The following DPP9 variants were observed in gnomAD, a reference collection of about 807,000 sequenced individuals.
DPP9 encodes the protein dipeptidyl peptidase IV-related protein-2.
A neutral mutation model predicts 110.7 loss-of-function variants in DPP9; 50 were observed. That is an observed-to-expected ratio of 0.45 (90% CI 0.36 to 0.57). The LOEUF is 0.57. Ranked by LOEUF, DPP9 falls within the 20% of genes least tolerant of loss-of-function variation. The pLI is 0.00. For missense variants in DPP9, 1,022 were observed against 1,217.9 expected (o/e 0.84, Z 2.39); for synonymous variants, 561 against 514.4 (o/e 1.09, Z -1.23).
chr19:4,719,563 C>T, intron 3 of DPP9: 1 of 491,386 alleles, frequency 2.0e-6, no homozygotes. Flanking sequence ...CTGAGGGGAG[C>T]TCCTGGCATG....
intron 3 of DPP9, chr19:4,715,838 G>C (rs2093050644): frequency 1.3e-5 from 2 of 152,242 alleles, no homozygotes; most frequent in African/African-American, 4.8e-5. Context: ...CAGCCACCGT[G>C]AGTGGCCGCC....
At chr19:4,691,670 CTTT>C (rs1006998596) in intron 13 of DPP9, among the ~76,000 whole-genome samples, 1 of 95,090 alleles carries the variant, frequency 1.1e-5, no homozygotes, top group Non-Finnish European at 2.1e-5. Flanking sequence ...TAAAACCAGA[CTTT>C]TTTTTTTTTT....
Position 4,694,587 on chromosome 19 carries a change from C to A in DPP9, c.1516+74G>T, listed in dbSNP as rs1329466100. On this transcript the variant is annotated intron_variant, in intron 13 of 21. Transcript: ENST00000262960. This position sits in a 1 kb window ranked among gnomAD's most constrained non-coding sequence, Gnocchi z 4.0. ...GTGCTGGCTGAGTGGGGGGGCCGACCAATGAACAAACAGCATATTGAACCA... is the reference window on the plus strand; with the variant it reads ...GTGCTGGCTGAGTGGGGGGGCCGACAAATGAACAAACAGCATATTGAACCA... The A allele has an allele frequency of 2.0e-6, 3 of 1,534,092 alleles. No individual in the cohort carries two copies. The highest frequency in any genetic ancestry group is 1.9e-5 in the Admixed American group (1 of 51,328).
At chr19:4,688,938 C>G in intron 15 of DPP9, 46 bp from the exon 16 acceptor site, 1 of 1,494,398 alleles carries the variant, frequency 6.7e-7, no homozygotes, top group African/African-American at 1.5e-5. Flanking sequence ...GCCGCTGCGC[C>G]CTTTCCACTG....
chr19:4,692,898 G>A (rs1296662082), intron 13 of DPP9, among the ~76,000 whole-genome samples: 2 of 152,146 alleles, frequency 1.3e-5, no homozygotes, highest in Admixed American at 6.5e-5. Context: ...GGAGGACCCC[G>A]ATGCTGGCCT....
rs915267159 is a variant in DPP9 at position 4,693,866 on chromosome 19, C to G, written c.1516+795G>C. ...CTCCCTGTGCTCCAGCCACAGGGGC[C>G]TCCTCCCTATTCCTCCAACATGCCA... On this transcript the variant is annotated intron_variant, in intron 13 of 21. Transcript: ENST00000262960. This position sits in a 1 kb window ranked among gnomAD's most constrained non-coding sequence, Gnocchi z 5.0. Among the ~76,000 whole-genome samples the G allele has an allele frequency of 5.9e-5, 9 of 152,056 alleles. No individual in the cohort carries two copies. Among genetic ancestry groups the G allele is most frequent in the African/African-American group, 1.7e-4 (7 of 41,434 alleles).
At chr19:4,691,554 C>T (rs186389930) in intron 13 of DPP9, among the ~76,000 whole-genome samples, 2 of 151,818 alleles carry the variant, frequency 1.3e-5, no homozygotes, top group East Asian at 3.9e-4. Context: ...ATTTTAGAAC[C>T]CTCCAAAGGC....
intron 20 of DPP9, among the ~76,000 whole-genome samples, chr19:4,681,720 A>G (rs1032650188): frequency 2.7e-5 from 4 of 150,476 alleles, no homozygotes; most frequent in Non-Finnish European, 5.9e-5. Flanking sequence ...ATGCACCACC[A>G]TGCCCAGCTT....
At chr19:4,720,404 G>A (rs750380801) in intron 2 of DPP9, among the ~76,000 whole-genome samples, 2 of 152,132 alleles carry the variant, frequency 1.3e-5, no homozygotes, top group Non-Finnish European at 2.9e-5. Context: ...GACGCACCCC[G>A]TGGCCTGAAA....
intron 7 of DPP9, 95 bp from the exon 8 acceptor site, chr19:4,702,811 A>AGGGAGG (rs2092348910): frequency 7.5e-6 from 1 of 132,940 alleles, no homozygotes; most frequent in African/African-American, 8.2e-5. Context: ...AGAGAGGGAG[A>AGGGAGG]GAGAAGGAGG....
At position 4,693,277 on chromosome 19, in the gene DPP9, A is replaced by G. The variant is rs1458974454; in HGVS notation, c.1516+1384T>C. Among the ~76,000 whole-genome samples, 2 of 151,602 alleles carry G rather than the reference A, an allele frequency of 1.3e-5. No homozygotes were observed. The highest frequency in any genetic ancestry group is 4.8e-5 in the African/African-American group (2 of 41,256). On this transcript the variant is annotated intron_variant, in intron 13 of 21. Transcript: ENST00000262960. This position sits in a 1 kb window ranked among gnomAD's most constrained non-coding sequence, Gnocchi z 5.0. ...CTGGGCCGGGCTCCCGGACCACCCC[A>G]CCTCTCTATCCAGAAGTGACCCTTG... is the stretch of plus-strand genomic sequence containing the variant.
chr19:4,693,224 T>G lies in DPP9; in HGVS notation c.1516+1437A>C, dbSNP rs1157241008. 6.6e-6 allele frequency among the ~76,000 whole-genome samples: 1 copy of G among 152,134 alleles called. No homozygotes were observed. The highest frequency in any genetic ancestry group is 2.4e-5 in the African/African-American group (1 of 41,448). On this transcript the variant is annotated intron_variant, in intron 13 of 21. Coordinates refer to ENST00000262960, the MANE Select transcript of DPP9 (RefSeq NM_139159.5). The surrounding 1 kb of genome is among the most constrained non-coding windows in gnomAD (Gnocchi z 5.0). ...GAGAACCACCCGGCCCTGGCGTCCA[T>G]GGTGTCCCTGCTCTAACTTTGAAGA...
intron 1 of DPP9, chr19:4,722,773 T>C: frequency 1.8e-6 from 1 of 546,196 alleles, no homozygotes; most frequent in Non-Finnish European, 3.3e-6. Context: ...AGCAGAGGAA[T>C]GCAGGGATTG....
chr19:4,706,043 G>A, intron 4 of DPP9, 73 bp from the exon 5 acceptor site: 3 of 1,339,950 alleles, frequency 2.2e-6, no homozygotes, highest in Non-Finnish European at 2.1e-6. Context: ...GCCTGCAGCT[G>A]GGCCCAGCTG....
At chr19:4,714,371 G>A in intron 3 of DPP9, 34 bp from the exon 4 acceptor site, 1 of 1,462,098 alleles carries the variant, frequency 6.8e-7, no homozygotes, top group Non-Finnish European at 9.0e-7. Flanking sequence ...TGAGAAAGGA[G>A]AACTGTTTTA....
chr19:4,676,697 A>C lies in DPP9; in HGVS notation c.2587-41T>G, dbSNP rs1363614580. ...AGGCAGGGCTGGGGGGCGTGGCCGG[A>C]CCACCCCCGTGTCCTAGGCTCCTCC... On this transcript the variant is annotated intron_variant, in intron 21 of 21. Coordinates refer to ENST00000262960, the MANE Select transcript of DPP9 (RefSeq NM_139159.5). The surrounding 1 kb of genome is among the most constrained non-coding windows in gnomAD (Gnocchi z 4.0). 1 of 1,509,152 alleles carries C rather than the reference A, an allele frequency of 6.6e-7. No homozygotes were observed. 93.5% of individuals were successfully genotyped at this position (1,509,152 alleles called of 1,614,324 possible). A position where few individuals can be genotyped will look rare whatever the true frequency, so the allele number is the denominator to read the frequency against.
intron 1 of DPP9, 184 bp from the exon 2 acceptor site, chr19:4,722,735 C>T (rs2093375950): frequency 1.7e-6 from 1 of 582,318 alleles, no homozygotes; most frequent in East Asian, 3.0e-5. Flanking sequence ...GAGAAGCCAT[C>T]CCACGGGCCC....
At chr19:4,692,654 T>G (rs2091429665) in intron 13 of DPP9, among the ~76,000 whole-genome samples, 2 of 152,156 alleles carry the variant, frequency 1.3e-5, no homozygotes, top group South Asian at 4.1e-4. Context: ...CTGGAGGGTC[T>G]GTGCCCCTGG....
rs1174122867 is a variant in DPP9 at position 4,714,105 on chromosome 19, G to A, written c.289C>T (p.His97Tyr). ...CCCAGGTAGTAGAGGCGGTGGGAGTGGGGCCCAGACTCATCCGTCTTCTGC... is the reference window on the plus strand; with the variant it reads ...CCCAGGTAGTAGAGGCGGTGGGAGTAGGGCCCAGACTCATCCGTCTTCTGC... ...FVQKTDESGP[H>Y]SHRLYYLGMP... Residue 97 changes from histidine to tyrosine, a missense_variant, in exon 4 of 22, where the codon CAC becomes TAC. Around this residue, in one of 3 missense-constraint regions of DPP9, gnomAD observed 810 missense variants for 920.6 expected, o/e 0.88. Coordinates refer to ENST00000262960, the MANE Select transcript of DPP9 (RefSeq NM_139159.5). 9 of 1,611,906 alleles carry A rather than the reference G, an allele frequency of 5.6e-6. No individual in the cohort carries two copies. The highest frequency in any genetic ancestry group is 1.6e-4 in the Middle Eastern group (1 of 6,066).
Sources: gnomAD v4.1 joint callset for allele counts (sites outside exome capture counted in the v4.1 genomes callset) on GRCh38, gnomAD v4.1.1 for gene constraint, gnomAD v4.1.1 regional missense constraint, Gnocchi (gnomAD v3.1) non-coding constraint, MANE v1.5 for transcripts, NCBI Gene and HGNC (gene_info 2026-07-23, HGNC 2026-07-21) for gene names.